PDE4D: variants seen among roughly 807,000 people sequenced by gnomAD.
PDE4D encodes the protein 3',5'-cyclic-AMP phosphodiesterase 4D.
A neutral mutation model predicts 87.4 loss-of-function variants in PDE4D; 24 were observed. The ratio of observed to expected loss-of-function variants is 0.27; its 90% CI spans 0.20 to 0.39. The LOEUF is 0.39. Ranked by LOEUF, PDE4D falls within the 10% of genes least tolerant of loss-of-function variation. The pLI is 1.00. For missense variants in PDE4D, 714 were observed against 1,041.0 expected (o/e 0.69, Z 4.32); for synonymous variants, 384 against 383.2 (o/e 1.00, Z -0.02).
intron 5 of PDE4D, among the ~76,000 whole-genome samples, chr5:59,065,733 TCTTC>T (rs1205101154): frequency 6.6e-6 from 1 of 152,154 alleles, no homozygotes; most frequent in Non-Finnish European, 1.5e-5. Context: ...GAATCCCATT[TCTTC>T]CTTTGACTCA....
intron 1 of PDE4D, among the ~76,000 whole-genome samples, chr5:60,493,254 AT>A: frequency 6.6e-6 from 1 of 152,328 alleles, no homozygotes. Flanking sequence ...GGGAAAAAAA[AT>A]AATGGAAGTC....
intron 1 of PDE4D, among the ~76,000 whole-genome samples, chr5:59,622,661 T>G (rs141228611): frequency 1.3e-5 from 2 of 152,338 alleles, no homozygotes; most frequent in Non-Finnish European, 2.9e-5. Context: ...GAAGACCTAC[T>G]GTAGTTGCCA....
At chr5:60,265,818 C>A (rs1433090129) in intron 1 of PDE4D, among the ~76,000 whole-genome samples, 1 of 152,168 alleles carries the variant, frequency 6.6e-6, no homozygotes, top group Non-Finnish European at 1.5e-5. Flanking sequence ...CCAAGCTGAG[C>A]CCCGAGTCAG....
At chr5:60,185,181 CAT>C (rs1488621361) in intron 2 of PDE4D, among the ~76,000 whole-genome samples, 1 of 152,108 alleles carries the variant, frequency 6.6e-6, no homozygotes, top group Non-Finnish European at 1.5e-5. Context: ...TAACTAATAA[CAT>C]AAGTATAATT....
chr5:60,164,898 A>G (rs1320677571), intron 2 of PDE4D, among the ~76,000 whole-genome samples: 1 of 152,184 alleles, frequency 6.6e-6, no homozygotes, highest in African/African-American at 2.4e-5. Flanking sequence ...TTTGTGGGAG[A>G]GCATTTAATA....
chr5:59,540,497 T>C (rs1236985022), intron 1 of PDE4D, among the ~76,000 whole-genome samples: 1 of 152,158 alleles, frequency 6.6e-6, no homozygotes, highest in Non-Finnish European at 1.5e-5. Context: ...AATTGTGATT[T>C]CTTTGTTCGG....
intron 1 of PDE4D, among the ~76,000 whole-genome samples, chr5:60,213,221 C>T (rs907417882): frequency 3.3e-5 from 5 of 152,300 alleles, no homozygotes; most frequent in South Asian, 4.1e-4. Context: ...TTCATGTGCT[C>T]TAGTGAGACA....
chr5:59,865,130 G>C (rs766504845), intron 1 of PDE4D, among the ~76,000 whole-genome samples: 1 of 152,174 alleles, frequency 6.6e-6, no homozygotes, highest in Non-Finnish European at 1.5e-5. Flanking sequence ...GAGTGAATTT[G>C]CAAGATTTTT....
intron 1 of PDE4D, among the ~76,000 whole-genome samples, chr5:59,681,710 C>CT (rs1749037732): frequency 6.6e-6 from 1 of 151,948 alleles, no homozygotes; most frequent in African/African-American, 2.4e-5. Flanking sequence ...ACCGTCCTGG[C>CT]TAACACGGTG....
intron 2 of PDE4D, among the ~76,000 whole-genome samples, chr5:60,007,729 A>G (rs534577227): frequency 3.9e-4 from 59 of 152,082 alleles, no homozygotes; most frequent in Non-Finnish European, 6.9e-4. Flanking sequence ...TTATATTGTT[A>G]ATTACTTTTT....
At chr5:59,509,938 A>G (rs1041089256) in intron 1 of PDE4D, among the ~76,000 whole-genome samples, 84 of 147,674 alleles carry the variant, frequency 5.7e-4, no homozygotes, top group African/African-American at 2.0e-3. Flanking sequence ...TTTTGAATAT[A>G]ATTATATTTT....
At chr5:60,240,848 G>A (rs1007841503) in intron 1 of PDE4D, among the ~76,000 whole-genome samples, 2 of 152,088 alleles carry the variant, frequency 1.3e-5, no homozygotes, top group South Asian at 4.1e-4. Flanking sequence ...ATGCAGATAT[G>A]GCTTAGATCA....
intron 5 of PDE4D, among the ~76,000 whole-genome samples, chr5:59,178,950 C>T (rs949945818): frequency 6.6e-6 from 1 of 152,126 alleles, no homozygotes; most frequent in Non-Finnish European, 1.5e-5. Flanking sequence ...GTAGGCCTGT[C>T]CATTCCTCAA....
At chr5:59,420,527 CTT>C in intron 1 of PDE4D, among the ~76,000 whole-genome samples, 1 of 152,188 alleles carries the variant, frequency 6.6e-6, no homozygotes, top group South Asian at 2.1e-4. Context: ...AGAGGGAAGA[CTT>C]TGCTGACGAA....
At chr5:59,537,216 T>C (rs1815443773) in intron 1 of PDE4D, among the ~76,000 whole-genome samples, 1 of 152,198 alleles carries the variant, frequency 6.6e-6, no homozygotes. Context: ...TAAAACAAGC[T>C]TTGACAGCTT....
chr5:59,574,215 A>C (rs1822734008), intron 1 of PDE4D, among the ~76,000 whole-genome samples: 1 of 137,114 alleles, frequency 7.3e-6, no homozygotes, highest in Non-Finnish European at 1.5e-5. Context: ...CCCCAAGAGG[A>C]TTCTGGTGCC....
chr5:59,661,193 T>C (rs947132151), intron 1 of PDE4D, among the ~76,000 whole-genome samples: 4 of 151,900 alleles, frequency 2.6e-5, no homozygotes, highest in Non-Finnish European at 5.9e-5. Context: ...ACATTTTAAA[T>C]TTCTGGCAAT....
intron 1 of PDE4D, among the ~76,000 whole-genome samples, chr5:59,832,242 G>T (rs1741354876): frequency 6.6e-6 from 1 of 152,030 alleles, no homozygotes; most frequent in South Asian, 2.1e-4. Flanking sequence ...AAGTAGTGTG[G>T]TTTAGTGACT....
At chr5:58,995,478 T>C (rs1287439968) in intron 6 of PDE4D, among the ~76,000 whole-genome samples, 1 of 152,188 alleles carries the variant, frequency 6.6e-6, no homozygotes, top group East Asian at 1.9e-4. Flanking sequence ...GAGTTCAAAA[T>C]TTTTTCTGTC....
Sources: allele counts gnomAD v4.1 joint callset (sites outside exome capture counted in the v4.1 genomes callset), GRCh38; gene constraint gnomAD v4.1.1; transcripts MANE v1.5; gene names NCBI Gene and HGNC (gene_info 2026-07-23, HGNC 2026-07-21).